GNAI1: variants seen among roughly 807,000 people sequenced by gnomAD.
GNAI1 encodes the protein guanine nucleotide-binding protein G(i) subunit alpha-1.
Under a neutral mutation model 38.9 loss-of-function variants are expected in GNAI1, and 11 were observed. That is an observed-to-expected ratio of 0.28 (90% confidence interval 0.18 to 0.47). The LOEUF (loss-of-function observed/expected upper bound fraction) is 0.47. GNAI1 is among the 20% of genes least tolerant of loss of function. GNAI1 has a pLI of 0.99. For synonymous variants in GNAI1, 166 were observed against 145.1 expected (o/e 1.14, Z -1.04); for missense variants, 317 against 436.9 (o/e 0.73, Z 2.45).
At chr7:80,136,799 C>G (rs1787424089) in intron 1 of GNAI1, among the ~76,000 whole-genome samples, 1 of 152,136 alleles carries the variant, frequency 6.6e-6, no homozygotes, top group Non-Finnish European at 1.5e-5. Context: ...AGCCAGCCAT[C>G]CACCATGTTT....
intron 3 of GNAI1, among the ~76,000 whole-genome samples, chr7:80,196,375 A>G (rs1788574783): frequency 6.6e-6 from 1 of 151,966 alleles, no homozygotes; most frequent in South Asian, 2.1e-4. Context: ...CCTCCTTACC[A>G]AACTCCAGTC....
At position 80,217,319 on chromosome 7, in the gene GNAI1, A is replaced by T. The variant is rs1434894043; in HGVS notation, c.891A>T (p.Glu297Asp). ...YPEYAGSNTY[E>D]EAAAYIQCQF... ...CCATCTCAGGATCAAACACATATGA[A>T]GAGGCAGCTGCATATATTCAATGTC... The change falls in exon 8 of 8, where the codon GAA (glutamate) becomes GAT (aspartate). Residue 297 changes from glutamate (E) to aspartate (D), a missense_variant. Physicochemically the swap from Glu to Asp is conservative, Grantham distance 45 (BLOSUM62 2). Coordinates refer to ENST00000649796, the MANE Select transcript of GNAI1 (RefSeq NM_002069.6). The T allele has an allele frequency of 1.9e-6, 3 of 1,578,054 alleles. No homozygotes were observed. Among genetic ancestry groups the T allele is most frequent in the Non-Finnish European group, 2.6e-6 (3 of 1,165,446 alleles).
chr7:80,152,284 T>TC (rs1241108387), intron 1 of GNAI1, among the ~76,000 whole-genome samples: 1 of 152,190 alleles, frequency 6.6e-6, no homozygotes, highest in African/African-American at 2.4e-5. Flanking sequence ...ATGGTATTTT[T>TC]CCCTCTATTA....
At chr7:80,210,924 T>A in intron 5 of GNAI1, 45 bp from the exon 6 acceptor site, 4 of 1,579,436 alleles carry the variant, frequency 2.5e-6, no homozygotes, top group Non-Finnish European at 3.5e-6. Flanking sequence ...TCTCAGAGCT[T>A]TTTGAACATT....
intron 5 of GNAI1, among the ~76,000 whole-genome samples, chr7:80,206,442 C>T (rs1788778959): frequency 6.6e-6 from 1 of 151,830 alleles, no homozygotes; most frequent in Non-Finnish European, 1.5e-5. Flanking sequence ...TTACTATTTC[C>T]ATAATATTAA....
Position 80,199,210 on chromosome 7 carries a change from C to G in GNAI1, c.304-15C>G, listed in dbSNP as rs1788636313. 4 of 1,570,272 alleles carry G rather than the reference C, an allele frequency of 2.5e-6. No individual in the cohort carries two copies. The highest frequency in any genetic ancestry group is 8.7e-7 in the Non-Finnish European group (1 of 1,152,828). ...GTATCCCTTTTTACTTAAAAAATGTCCTTTGAATGTTCAGGATGATGCACG... is the reference window on the plus strand; with the variant it reads ...GTATCCCTTTTTACTTAAAAAATGTGCTTTGAATGTTCAGGATGATGCACG... On this transcript the variant is annotated splice_polypyrimidine_tract_variant and intron_variant, in intron 3 of 7. Coordinates refer to ENST00000649796, the MANE Select transcript of GNAI1 (RefSeq NM_002069.6).
chr7:80,168,608 G>T (rs1324546706), intron 1 of GNAI1, among the ~76,000 whole-genome samples: 1 of 152,010 alleles, frequency 6.6e-6, no homozygotes, highest in Non-Finnish European at 1.5e-5. Flanking sequence ...GGATGGTCTC[G>T]ATCTGACCTT....
chr7:80,147,884 C>G (rs1787655542), intron 1 of GNAI1, among the ~76,000 whole-genome samples: 1 of 152,118 alleles, frequency 6.6e-6, no homozygotes, highest in African/African-American at 2.4e-5. Context: ...ATTCATTCAA[C>G]AAATATTTAT....
At chr7:80,182,485 T>C (rs1431896365) in intron 1 of GNAI1, among the ~76,000 whole-genome samples, 1 of 152,198 alleles carries the variant, frequency 6.6e-6, no homozygotes, top group Non-Finnish European at 1.5e-5. Context: ...TTACAGTCAT[T>C]ATTAAATTCT....
chr7:80,181,381 C>T (rs936857567), intron 1 of GNAI1, among the ~76,000 whole-genome samples: 2 of 152,076 alleles, frequency 1.3e-5, no homozygotes, highest in Non-Finnish European at 2.9e-5. Context: ...TGTATGACAC[C>T]CTTCAAACAT....
intron 1 of GNAI1, among the ~76,000 whole-genome samples, chr7:80,142,138 T>C (rs1787537753): frequency 6.6e-6 from 1 of 152,220 alleles, no homozygotes; most frequent in South Asian, 2.1e-4. Flanking sequence ...ACTTTTTCTA[T>C]TATGCTTCTC....
Position 80,223,761 on chromosome 7 carries a change from A to G in GNAI1, c.*6268A>G, listed in dbSNP as rs1272603667. ...AAGTGACCAATTGTCCTAGCAATCT[A>G]CTTCACAAGGCAATTTACCTGTAAT... On this transcript the variant is annotated 3_prime_UTR_variant, in exon 8 of 8. Coordinates refer to ENST00000649796, the MANE Select transcript of GNAI1 (RefSeq NM_002069.6). Among the ~76,000 whole-genome samples, 1 of 152,184 alleles carries G rather than the reference A, an allele frequency of 6.6e-6. No homozygotes were observed. Among genetic ancestry groups the G allele is most frequent in the Non-Finnish European group, 1.5e-5 (1 of 68,038 alleles).
chr7:80,135,494 G>A (rs939825564), intron 1 of GNAI1: 2 of 412,140 alleles, frequency 4.9e-6, no homozygotes, highest in Middle Eastern at 6.2e-4. Flanking sequence ...CCCGCGGCGG[G>A]GCGGGCGCGT....
At chr7:80,146,405 T>A (rs1467885587) in intron 1 of GNAI1, among the ~76,000 whole-genome samples, 2 of 152,198 alleles carry the variant, frequency 1.3e-5, no homozygotes, top group African/African-American at 4.8e-5. Flanking sequence ...AAAAGCACTT[T>A]AATAATTTTC....
At chr7:80,186,894 C>T (rs962380503) in intron 1 of GNAI1, among the ~76,000 whole-genome samples, 3 of 152,150 alleles carry the variant, frequency 2.0e-5, no homozygotes, top group African/African-American at 7.2e-5. Flanking sequence ...AGAATGCCTG[C>T]CATTATGCTT....
chr7:80,173,849 A>G (rs1227509034), intron 1 of GNAI1, among the ~76,000 whole-genome samples: 1 of 152,122 alleles, frequency 6.6e-6, no homozygotes, highest in South Asian at 2.1e-4. Context: ...ATATTGGTCC[A>G]TGTAACATCC....
intron 1 of GNAI1, among the ~76,000 whole-genome samples, chr7:80,152,953 A>C (rs1269247694): frequency 2.6e-5 from 4 of 152,114 alleles, no homozygotes; most frequent in East Asian, 1.9e-4. Flanking sequence ...TAAAAAAAAA[A>C]CCTGAGGCAA....
At position 80,179,589 on chromosome 7, in the gene GNAI1, A is replaced by C. The variant is rs1167269422; in HGVS notation, c.119-9362A>C. Among the ~76,000 whole-genome samples, 6 of 152,214 alleles carry C rather than the reference A, an allele frequency of 3.9e-5. No individual in the cohort carries two copies. In the East Asian group the frequency reaches 1.2e-3, roughly 29 times the overall value. Reference sequence around the variant, plus strand: ...TTTGGGAATTAATTAAAAATTAAGCAGAACAGTTTGTCAGAAATTATTCAG... The same window carrying C: ...TTTGGGAATTAATTAAAAATTAAGCCGAACAGTTTGTCAGAAATTATTCAG... On this transcript the variant is annotated intron_variant, in intron 1 of 7. Coordinates refer to ENST00000649796, the MANE Select transcript of GNAI1 (RefSeq NM_002069.6).
chr7:80,192,235 A>T (rs1788494479), intron 3 of GNAI1, among the ~76,000 whole-genome samples: 1 of 152,002 alleles, frequency 6.6e-6, no homozygotes. Context: ...TCACCTTATA[A>T]TTTTTTAAAT....
Sources: allele counts gnomAD v4.1 joint callset (sites outside exome capture counted in the v4.1 genomes callset), GRCh38; gene constraint gnomAD v4.1.1; transcripts MANE v1.5; gene names NCBI Gene and HGNC (gene_info 2026-07-23, HGNC 2026-07-21).